Variants in TULP3 observed in about 807,000 individuals in gnomAD.
TULP3 encodes the protein TUB like protein 3.
Under a neutral mutation model 50.7 loss-of-function variants are expected in TULP3, and 38 were observed. That is an observed-to-expected ratio of 0.75 (90% CI 0.58 to 0.98). The LOEUF (loss-of-function observed/expected upper bound fraction) is 0.98. TULP3 is among the 50% of genes least tolerant of loss of function. The probability of loss-of-function intolerance (pLI) is 0.00; values close to 1 mark genes in which losing one functional copy is unlikely to be tolerated. For missense variants in TULP3, 550 were observed against 568.0 expected, an observed-to-expected ratio of 0.97 and a Z score of 0.32; for synonymous variants, 183 against 196.6, an observed-to-expected ratio of 0.93 and a Z score of 0.58.
chr12:2,926,554 T>A (rs556945304), intron 4 of TULP3, among the ~76,000 whole-genome samples: 8 of 152,326 alleles, frequency 5.3e-5, no homozygotes, highest in Admixed American at 3.3e-4. Flanking sequence ...ATAATTTTTT[T>A]AAGTAACAAC....
chr12:2,937,200 ATTTTTTTTTTTT>A (rs771074689), intron 8 of TULP3, among the ~76,000 whole-genome samples: 10 of 54,466 alleles, frequency 1.8e-4, no homozygotes, highest in African/African-American at 5.2e-4. Flanking sequence ...GGTACACCTG[ATTTTTTTTTTTT>A]TTTTTTTTTT....
Position 2,940,153 on chromosome 12 carries a change from G to A in TULP3, c.*709G>A. Reference sequence around the variant, plus strand: ...ATAAACTCTAGAGGTGACTCAGTCAGGACTGACAGTAATGTGATAATTGCC... The same window carrying A: ...ATAAACTCTAGAGGTGACTCAGTCAAGACTGACAGTAATGTGATAATTGCC... On this transcript the variant is annotated 3_prime_UTR_variant, in exon 11 of 11. Transcript: ENST00000448120. The A allele has an allele frequency of 7.7e-7, 1 of 1,298,812 alleles. No individual in the cohort carries two copies. The highest frequency in any genetic ancestry group is 1.0e-6 in the Non-Finnish European group (1 of 995,562). 80.5% of individuals were successfully genotyped at this position (1,298,812 alleles called of 1,614,324 possible). A position where few individuals can be genotyped will look rare whatever the true frequency, so the allele number is the denominator to read the frequency against.
intron 4 of TULP3, among the ~76,000 whole-genome samples, chr12:2,926,518 A>AG (rs1472442970): frequency 6.6e-6 from 1 of 152,224 alleles, no homozygotes; most frequent in African/African-American, 2.4e-5. Flanking sequence ...AGACAGCAGA[A>AG]GGAAAAAGTG....
In TULP3 at chr12:2,939,234, A is replaced by T; in HGVS notation, c.1196-77A>T. ...CGACAGAGCAAAACCCCATCTAAGA[A>T]AAGGAAGAAAAAGAAAAAGATTTCC... is the stretch of plus-strand genomic sequence containing the variant. On this transcript the variant is annotated intron_variant, in intron 10 of 10. Coordinates refer to ENST00000448120, the MANE Select transcript of TULP3 (RefSeq NM_003324.5). This position sits in a 1 kb window ranked among gnomAD's most constrained non-coding sequence, Gnocchi z 4.0. 1 of 1,519,334 alleles carries T rather than the reference A, an allele frequency of 6.6e-7. No homozygotes were observed. Among genetic ancestry groups the T allele is most frequent in the South Asian group, 1.2e-5 (1 of 82,976 alleles). The allele number at this position is 1,519,334 out of a possible 1,614,324, so 94.1% of individuals were successfully genotyped here.
chr12:2,933,486 A>G lies in TULP3; in HGVS notation c.765A>G (p.Pro255=), dbSNP rs753229570. The G allele has an allele frequency of 1.1e-5, 18 of 1,613,920 alleles. No individual in the cohort carries two copies. Among genetic ancestry groups the G allele is most frequent in the Non-Finnish European group, 1.5e-5 (18 of 1,179,982 alleles). ...KTANYLISID[P]VDLSREGESY... ...CCAACTACCTTATCTCCATTGATCC[A>G]GTTGATTTATCTCGTGAAGGAGAAA... Residue 255 remains proline (P), a synonymous_variant, in exon 7 of 11, where the codon CCA becomes CCG. Coordinates refer to ENST00000448120, the MANE Select transcript of TULP3 (RefSeq NM_003324.5).
chr12:2,937,507 G>T lies in TULP3; in HGVS notation c.925-124G>T, dbSNP rs1212430968. 4.0e-5 allele frequency: 30 copies of T among 749,214 alleles called. No homozygotes were observed. The East Asian group carries it at 5.8e-4, about 14-fold the overall frequency. 46.4% of individuals were successfully genotyped at this position (749,214 alleles called of 1,614,324 possible). A position where few individuals can be genotyped will look rare whatever the true frequency, so the allele number is the denominator to read the frequency against. On this transcript the variant is annotated intron_variant, in intron 8 of 10. Coordinates refer to ENST00000448120, the MANE Select transcript of TULP3 (RefSeq NM_003324.5). ...GCTGGGATTATAGGCGTGATCCACT[G>T]CCCCGGCTGATACAGCTGATATTGT...
intron 6 of TULP3, among the ~76,000 whole-genome samples, chr12:2,932,258 CTCTG>C (rs140597963): frequency 0.013 from 1,966 of 152,174 alleles, 45 homozygotes; most frequent in African/African-American, 0.043. Flanking sequence ...GTTGACATTC[CTCTG>C]TCTGTGTCCC....
intron 8 of TULP3, among the ~76,000 whole-genome samples, chr12:2,934,924 A>AT (rs1338926273): frequency 6.0e-5 from 9 of 148,852 alleles, no homozygotes; most frequent in Non-Finnish European, 9.0e-5. Flanking sequence ...TCTTTTTCTT[A>AT]TTTTTTTTCC....
At chr12:2,919,044 C>T (rs2098190277) in intron 2 of TULP3, among the ~76,000 whole-genome samples, 1 of 152,110 alleles carries the variant, frequency 6.6e-6, no homozygotes, top group Non-Finnish European at 1.5e-5. Context: ...AGGCATGCGC[C>T]ATGACGCAGG....
chr12:2,907,201 G>A (rs1270837925), intron 1 of TULP3, among the ~76,000 whole-genome samples: 1 of 151,924 alleles, frequency 6.6e-6, no homozygotes, highest in East Asian at 1.9e-4. Flanking sequence ...GGCCGGGTAC[G>A]ATGCCTCACA....
At chr12:2,914,125 C>CTT (rs71057862) in intron 2 of TULP3, among the ~76,000 whole-genome samples, 2,420 of 130,612 alleles carry the variant, frequency 0.019, 122 homozygotes, top group African/African-American at 0.065. Flanking sequence ...ATAAATAATT[C>CTT]TTTTTTTTTT....
intron 6 of TULP3, 134 bp downstream of exon 6, chr12:2,931,374 C>G (rs1239454521): frequency 1.2e-6 from 1 of 800,920 alleles, no homozygotes; most frequent in Non-Finnish European, 1.9e-6. Flanking sequence ...CTTTCAGTCC[C>G]CAGATGCTGT....
chr12:2,906,908 C>A (rs1352329788), intron 1 of TULP3, among the ~76,000 whole-genome samples: 1 of 150,984 alleles, frequency 6.6e-6, no homozygotes, highest in African/African-American at 2.4e-5. Context: ...AAGAGTGAAC[C>A]CTTCATCTCA....
At chr12:2,907,620 C>T (rs375546275) in intron 1 of TULP3, among the ~76,000 whole-genome samples, 1 of 151,048 alleles carries the variant, frequency 6.6e-6, no homozygotes. Flanking sequence ...TGCACTCCAG[C>T]TTGGGCAGGA....
chr12:2,891,513 A>G (rs780961894), intron 1 of TULP3, among the ~76,000 whole-genome samples: 2 of 152,178 alleles, frequency 1.3e-5, no homozygotes, highest in East Asian at 3.9e-4. Context: ...TTTGTCCCTG[A>G]TTCGGGATGG....
chr12:2,929,630 T>C (rs1003533710), intron 4 of TULP3, among the ~76,000 whole-genome samples: 1 of 151,688 alleles, frequency 6.6e-6, no homozygotes, highest in Non-Finnish European at 1.5e-5. Flanking sequence ...AGTCTCTGTC[T>C]CCCAGGCTAT....
At chr12:2,919,227 G>A (rs2098190398) in intron 2 of TULP3, among the ~76,000 whole-genome samples, 1 of 152,142 alleles carries the variant, frequency 6.6e-6, no homozygotes. Context: ...CTGTTTGGTG[G>A]AAGTCATTAT....
intron 1 of TULP3, among the ~76,000 whole-genome samples, chr12:2,892,738 T>A (rs1471309727): frequency 2.0e-5 from 3 of 152,094 alleles, no homozygotes; most frequent in Admixed American, 6.6e-5. Context: ...TCTCGATTTC[T>A]TGACCTGGTG....
chr12:2,926,784 G>GT (rs2098194935), intron 4 of TULP3, among the ~76,000 whole-genome samples: 1 of 152,088 alleles, frequency 6.6e-6, no homozygotes, highest in African/African-American at 2.4e-5. Flanking sequence ...GTGGGCAGCT[G>GT]TAATTCCAGC....
Sources: gnomAD v4.1 joint callset for allele counts (sites outside exome capture counted in the v4.1 genomes callset) on GRCh38, gnomAD v4.1.1 for gene constraint, Gnocchi (gnomAD v3.1) non-coding constraint, MANE v1.5 for transcripts, NCBI Gene and HGNC (gene_info 2026-07-23, HGNC 2026-07-21) for gene names.